Variants in ICAM2 observed in about 807,000 individuals in gnomAD.
ICAM2 encodes the protein intercellular adhesion molecule 2, also known as ICAM-2.
Under a neutral mutation model 19.1 loss-of-function variants are expected in ICAM2, and 14 were observed. That is an observed-to-expected ratio of 0.73 (90% confidence interval 0.48 to 1.15). The LOEUF (loss-of-function observed/expected upper bound fraction) is 1.15, where lower values mean the gene tolerates loss of function less well. Among genes scored for constraint, ICAM2 ranks in the 50% most tolerant of loss-of-function variants. The probability of loss-of-function intolerance (pLI) is 0.00; values close to 1 mark genes in which losing one functional copy is unlikely to be tolerated. For synonymous variants in ICAM2, 153 were observed against 152.7 expected (o/e 1.00, Z -0.01); for missense variants, 311 against 355.4 (o/e 0.88, Z 1.00).
intron 1 of ICAM2, among the ~76,000 whole-genome samples, chr17:64,015,497 T>C (rs567295254): frequency 1.2e-4 from 19 of 152,254 alleles, no homozygotes; most frequent in African/African-American, 4.3e-4. Context: ...CCCAGCACTT[T>C]GGAAGGCTGA....
chr17:64,004,939 T>G, intron 3 of ICAM2, 168 bp downstream of exon 3: 1 of 736,958 alleles, frequency 1.4e-6, no homozygotes. Context: ...GCTCAAGGCA[T>G]CCAACCAAGG....
intron 1 of ICAM2, among the ~76,000 whole-genome samples, chr17:64,012,869 A>G (rs935310795): frequency 2.0e-5 from 3 of 152,212 alleles, no homozygotes; most frequent in African/African-American, 7.2e-5. Flanking sequence ...CTCCATGTAT[A>G]CTGAATAGTG....
intron 3 of ICAM2, 147 bp downstream of exon 3, chr17:64,004,960 T>G: frequency 2.2e-6 from 2 of 891,642 alleles, no homozygotes; most frequent in Non-Finnish European, 3.6e-6. Flanking sequence ...GCTGGCCTGG[T>G]CCTGCCCCTT....
chr17:64,006,660 ACAGT>A lies in ICAM2; in HGVS notation c.28_31del (p.Thr10TrpfsTer6). 6.2e-7 allele frequency: 1 copy of A among 1,614,202 alleles called. No homozygotes were observed. The highest frequency in any genetic ancestry group is 8.5e-7 in the Non-Finnish European group (1 of 1,180,022). On this transcript the variant is annotated frameshift_variant, in exon 2 of 5. Transcript: ENST00000579788. LOFTEE classifies it high-confidence loss of function. The stretch of plus-strand genomic sequence containing the variant: ...ACAGCAGATCAGGGTGAAGAGGGCC[ACAGT>A]CAGGGTCCTGTAACCGAAAGAGGAC...
At chr17:64,019,483 G>T (rs1447155355) in intron 1 of ICAM2, among the ~76,000 whole-genome samples, 1 of 152,130 alleles carries the variant, frequency 6.6e-6, no homozygotes, top group Admixed American at 6.6e-5. Flanking sequence ...AAATTCCAGA[G>T]GGTGGCTACC....
intron 1 of ICAM2, among the ~76,000 whole-genome samples, chr17:64,014,129 C>T (rs549386251): frequency 2.0e-4 from 31 of 151,870 alleles, no homozygotes; most frequent in South Asian, 1.7e-3. Context: ...TTCTGCGAGG[C>T]GCAAAAGTTG....
At chr17:64,005,041 G>C in intron 3 of ICAM2, 66 bp downstream of exon 3, 3 of 1,560,828 alleles carry the variant, frequency 1.9e-6, no homozygotes, top group Non-Finnish European at 2.6e-6. Flanking sequence ...GAGGGGCTCT[G>C]TGTGCATTCA....
At chr17:64,014,954 A>G (rs749152893) in intron 1 of ICAM2, among the ~76,000 whole-genome samples, 2 of 152,208 alleles carry the variant, frequency 1.3e-5, no homozygotes, top group Admixed American at 6.5e-5. Flanking sequence ...TCCCTACAAA[A>G]CTCAATAGGA....
intron 2 of ICAM2, 130 bp downstream of exon 2, chr17:64,006,496 TAAAAC>T (rs1421612352): frequency 5.5e-6 from 4 of 720,774 alleles, no homozygotes; most frequent in African/African-American, 3.6e-5. Flanking sequence ...GACCCTGTCT[TAAAAC>T]AAAACAAAAA....
At chr17:64,004,152 C>T (rs1390749044) in intron 3 of ICAM2, 188 bp from the exon 4 acceptor site, 4 of 575,650 alleles carry the variant, frequency 6.9e-6, no homozygotes, top group African/African-American at 5.6e-5. Flanking sequence ...GGTAGTTTTA[C>T]AGACATGATG....
At chr17:64,016,605 C>A (rs986760413) in intron 1 of ICAM2, among the ~76,000 whole-genome samples, 1 of 152,242 alleles carries the variant, frequency 6.6e-6, no homozygotes, top group Admixed American at 6.5e-5. Flanking sequence ...CTCCTTCTTG[C>A]CAGTGGGCAA....
At position 64,006,623 on chromosome 17, in the gene ICAM2, T is replaced by C; in HGVS notation, c.61+8A>G. 1 of 1,613,600 alleles carries C rather than the reference T, an allele frequency of 6.2e-7. No individual in the cohort carries two copies. The highest frequency in any genetic ancestry group is 8.5e-7 in the Non-Finnish European group (1 of 1,179,566). On this transcript the variant is annotated splice_region_variant and intron_variant, in intron 2 of 4. Coordinates refer to ENST00000579788, the MANE Select transcript of ICAM2 (RefSeq NM_001099789.2). The stretch of plus-strand genomic sequence containing the variant: ...TGCCAAATCAGGAACCCCAGGAAAC[T>C]GGCTTACCTGGACAGCAGATCAGGG...
At position 64,003,589 on chromosome 17, in the gene ICAM2, C is replaced by T. The variant is rs60969270; in HGVS notation, c.649+55G>A. ...GTGGGACTCAAGATTTTTCTTCCCC[C>T]GAGGGGCTGAAAGTGACTTATCACT... On this transcript the variant is annotated intron_variant, in intron 4 of 4. Coordinates refer to ENST00000579788, the MANE Select transcript of ICAM2 (RefSeq NM_001099789.2). 3.8e-4 allele frequency: 583 copies of T among 1,528,884 alleles called. 1 individual carries two copies. The African/African-American group carries it at 5.8e-3, about 15-fold the overall frequency. The allele number at this position is 1,528,884 out of a possible 1,614,324, so 94.7% of individuals were successfully genotyped here.
chr17:64,018,234 T>G (rs1911792533), intron 1 of ICAM2, among the ~76,000 whole-genome samples: 1 of 144,806 alleles, frequency 6.9e-6, no homozygotes, highest in Non-Finnish European at 1.5e-5. Context: ...CTCGGGAGGC[T>G]GAGGCAGGAG....
intron 1 of ICAM2, among the ~76,000 whole-genome samples, chr17:64,010,410 G>A (rs1474914688): frequency 6.6e-6 from 1 of 152,120 alleles, no homozygotes; most frequent in Non-Finnish European, 1.5e-5. Context: ...TGGAAAACGT[G>A]AGAGAATTTT....
rs1347357715 is a variant in ICAM2 at position 64,003,778 on chromosome 17, G to A, written c.515C>T (p.Thr172Ile). 3 of 1,614,128 alleles carry A rather than the reference G, an allele frequency of 1.9e-6. No individual in the cohort carries two copies. Among genetic ancestry groups the A allele is most frequent in the East Asian group, 2.2e-5 (1 of 44,898 alleles). ...GTCAGCCGTGCTGTTGAATGTGGCT[G>A]TGGCCTCCTGCGGAGCAGGGGCTGC... ...GKAAPAPQEA[T>I]ATFNSTADRE... The change falls in exon 4 of 5, where the codon ACA (threonine) becomes ATA (isoleucine). Residue 172 changes from threonine (T) to isoleucine (I), a missense_variant. Coordinates refer to ENST00000579788, the MANE Select transcript of ICAM2 (RefSeq NM_001099789.2).
chr17:64,010,732 G>A (rs768478238), intron 1 of ICAM2, among the ~76,000 whole-genome samples: 3 of 151,952 alleles, frequency 2.0e-5, no homozygotes, highest in Non-Finnish European at 2.9e-5. Flanking sequence ...AAAATAAAAT[G>A]GCAAATGAGT....
At chr17:64,014,477 A>G (rs1282604965) in intron 1 of ICAM2, among the ~76,000 whole-genome samples, 1 of 146,290 alleles carries the variant, frequency 6.8e-6, no homozygotes, top group South Asian at 2.2e-4. Context: ...GGAAGGAAGG[A>G]AGGAAGAAAG....
intron 1 of ICAM2, among the ~76,000 whole-genome samples, chr17:64,010,632 C>T (rs1415898645): frequency 6.6e-6 from 1 of 151,552 alleles, no homozygotes; most frequent in African/African-American, 2.4e-5. Flanking sequence ...AAAGTTTATC[C>T]CCCAAAATAC....
Sources: gnomAD v4.1 joint callset for allele counts (sites outside exome capture counted in the v4.1 genomes callset) on GRCh38, gnomAD v4.1.1 for gene constraint, MANE v1.5 for transcripts, NCBI Gene and HGNC (gene_info 2026-07-23, HGNC 2026-07-21) for gene names.